The following RIPOR2 variants were observed in gnomAD, a reference collection of about 807,000 sequenced individuals.
RIPOR2 encodes the protein RHO family interacting cell polarization regulator 2.
RIPOR2 carries 39 observed loss-of-function variants against 114.5 expected under a neutral mutation model. The ratio of observed to expected loss-of-function variants is 0.34; its 90% CI spans 0.26 to 0.44. RIPOR2 has a LOEUF of 0.44. Ranked by LOEUF, RIPOR2 falls within the 20% of genes least tolerant of loss-of-function variation. The pLI is 1.00. For synonymous variants in RIPOR2, 445 were observed against 484.4 expected, an observed-to-expected ratio of 0.92 and a Z score of 1.07; for missense variants, 1,007 against 1,255.1, an observed-to-expected ratio of 0.80 and a Z score of 2.99.
Position 24,962,437 on chromosome 6 carries a change from A to G in RIPOR2, c.76+79414T>C, listed in dbSNP as rs992955165. On this transcript the variant is annotated intron_variant, in intron 1 of 13. Coordinates refer to the RIPOR2 transcript ENST00000510784. ...ATTAGAAGGCAATAATAAAGCTTGC[A>G]TCTAGAGCAGGTGCATTGGGAATGT... Among the ~76,000 whole-genome samples, 4 of 152,340 alleles carry G rather than the reference A, an allele frequency of 2.6e-5. No homozygotes were observed. In the East Asian group the frequency reaches 5.8e-4, roughly 22 times the overall value.
chr6:24,900,037 G>A (rs905034310), intron 1 of RIPOR2, among the ~76,000 whole-genome samples: 7 of 152,112 alleles, frequency 4.6e-5, no homozygotes, highest in African/African-American at 1.2e-4. Flanking sequence ...TCTCATCAAC[G>A]CCTTGGTATC....
intron 7 of RIPOR2, among the ~76,000 whole-genome samples, chr6:24,862,071 A>G (rs2059790418): frequency 6.6e-6 from 1 of 152,258 alleles, no homozygotes; most frequent in South Asian, 2.1e-4. Flanking sequence ...AGAAGGAGTA[A>G]CACCATCTGT....
intron 15 of RIPOR2, among the ~76,000 whole-genome samples, chr6:24,834,770 T>A (rs1760982838): frequency 6.6e-6 from 1 of 152,126 alleles, no homozygotes; most frequent in Admixed American, 6.5e-5. Flanking sequence ...ACCATAGGCC[T>A]GTGCCACCAC....
intron 1 of RIPOR2, among the ~76,000 whole-genome samples, chr6:25,032,927 T>A (rs751618342): frequency 4.6e-5 from 7 of 152,242 alleles, no homozygotes; most frequent in Admixed American, 1.3e-4. Flanking sequence ...GGTATTATTC[T>A]GATCCCACTT....
intron 1 of RIPOR2, among the ~76,000 whole-genome samples, chr6:25,010,644 G>A (rs1775740281): frequency 6.6e-6 from 1 of 152,168 alleles, no homozygotes; most frequent in Admixed American, 6.5e-5. Flanking sequence ...GGGAGCGCCA[G>A]GATTTATATG....
At chr6:24,927,219 T>TACAATC (rs1561782801) in intron 1 of RIPOR2, among the ~76,000 whole-genome samples, 1 of 27,158 alleles carries the variant, frequency 3.7e-5, no homozygotes, top group African/African-American at 1.6e-4. Context: ...CCACCACCAC[T>TACAATC]ACCACCAGCA....
intron 1 of RIPOR2, among the ~76,000 whole-genome samples, chr6:24,973,352 C>T (rs1773878773): frequency 6.6e-6 from 1 of 152,096 alleles, no homozygotes; most frequent in Non-Finnish European, 1.5e-5. Flanking sequence ...CCTGTAATCC[C>T]AGCACTTTGG....
chr6:24,912,552 A>T (rs1000255608), intron 1 of RIPOR2, among the ~76,000 whole-genome samples: 4 of 150,492 alleles, frequency 2.7e-5, no homozygotes, highest in Non-Finnish European at 1.5e-5. Context: ...TTGTATCATG[A>T]CTATTTGTGT....
At chr6:24,970,894 A>AT (rs1189240865) in intron 1 of RIPOR2, among the ~76,000 whole-genome samples, 8 of 42,742 alleles carry the variant, frequency 1.9e-4, no homozygotes, top group Non-Finnish European at 5.7e-4. Flanking sequence ...ACATTGCACA[A>AT]ATTTTTTTAA....
chr6:24,807,826 A>G (rs1780873965), intron 21 of RIPOR2, among the ~76,000 whole-genome samples: 1 of 152,166 alleles, frequency 6.6e-6, no homozygotes, highest in South Asian at 2.1e-4. Context: ...GCCCGCAATG[A>G]CCTTCTGCCC....
intron 17 of RIPOR2, among the ~76,000 whole-genome samples, chr6:24,828,780 AGAAG>A (rs1421537808): frequency 2.0e-5 from 3 of 152,002 alleles, no homozygotes; most frequent in East Asian, 3.8e-4. Flanking sequence ...AGAGGAAAAG[AGAAG>A]GAAGGAAGGA....
At chr6:24,943,234 C>T (rs981872155) in intron 1 of RIPOR2, among the ~76,000 whole-genome samples, 53 of 152,130 alleles carry the variant, frequency 3.5e-4, no homozygotes, top group African/African-American at 1.1e-3. Context: ...AGTAAATTAT[C>T]GCAAGGACAA....
At chr6:24,853,899 T>A (rs752954661) in intron 8 of RIPOR2, among the ~76,000 whole-genome samples, 7 of 152,002 alleles carry the variant, frequency 4.6e-5, no homozygotes, top group Non-Finnish European at 1.0e-4. Flanking sequence ...GAGGATGACT[T>A]GAGCTCAGGA....
chr6:24,953,645 G>A (rs903156967), intron 1 of RIPOR2, among the ~76,000 whole-genome samples: 6 of 152,174 alleles, frequency 3.9e-5, no homozygotes, highest in Non-Finnish European at 8.8e-5. Flanking sequence ...TGCTGAAGCG[G>A]GTCACAAGGC....
chr6:24,929,680 T>C (rs963496902), intron 1 of RIPOR2, among the ~76,000 whole-genome samples: 1 of 152,256 alleles, frequency 6.6e-6, no homozygotes, highest in African/African-American at 2.4e-5. Flanking sequence ...AACATTTTAG[T>C]TAAACATCAC....
At chr6:25,010,293 G>T (rs1775723696) in intron 1 of RIPOR2, among the ~76,000 whole-genome samples, 1 of 152,054 alleles carries the variant, frequency 6.6e-6, no homozygotes, top group African/African-American at 2.4e-5. Flanking sequence ...AGAGCTGGTT[G>T]TTAGAAAGAG....
chr6:24,938,349 C>G (rs1244704787), upstream of RIPOR2, among the ~76,000 whole-genome samples: 2 of 152,184 alleles, frequency 1.3e-5, no homozygotes, highest in Admixed American at 6.5e-5. Flanking sequence ...CCCTCACATC[C>G]CTCAGAAGAA....
rs216265 is a variant in RIPOR2 at position 24,923,018 on chromosome 6, T to A, written c.61+12820A>T. Among the ~76,000 whole-genome samples, 94 of 152,156 alleles carry A rather than the reference T, an allele frequency of 6.2e-4. 1 individual carries two copies. The highest frequency in any genetic ancestry group is 6.8e-3 in the Middle Eastern group (2 of 294). On this transcript the variant is annotated intron_variant, in intron 1 of 21. Coordinates refer to ENST00000643898, the MANE Select transcript of RIPOR2 (RefSeq NM_001286445.3). ...TTTGCAAACCTGAAACTCTATGCCC[T>A]TTAAAGCAATTCCCTGCTCTCTCCT...
At chr6:24,835,901 T>G in intron 14 of RIPOR2, 30 bp from the exon 15 acceptor site, 1 of 1,549,310 alleles carries the variant, frequency 6.5e-7, no homozygotes, top group South Asian at 1.2e-5. Flanking sequence ...CATTAGCTAT[T>G]CTTTTTCTGT....
Sources: allele counts gnomAD v4.1 joint callset (sites outside exome capture counted in the v4.1 genomes callset), GRCh38; gene constraint gnomAD v4.1.1; transcripts MANE v1.5; gene names NCBI Gene and HGNC (gene_info 2026-07-23, HGNC 2026-07-21).